FEZ1: variants seen among roughly 807,000 people sequenced by gnomAD.
FEZ1 encodes the protein fasciculation and elongation protein zeta-1.
A neutral mutation model predicts 49.3 loss-of-function variants in FEZ1; 20 were observed. The observed-to-expected ratio is 0.41, with a 90% CI of 0.29 to 0.59. The LOEUF (loss-of-function observed/expected upper bound fraction) is 0.59, where lower values mean the gene tolerates loss of function less well. Among genes scored for constraint, FEZ1 ranks in the 20% least tolerant of loss-of-function variants. The probability of loss-of-function intolerance (pLI) is 0.36; values close to 1 mark genes in which losing one functional copy is unlikely to be tolerated. For synonymous variants in FEZ1, 170 were observed against 180.9 expected (o/e 0.94, Z 0.48); for missense variants, 413 against 476.0 (o/e 0.87, Z 1.23).
chr11:125,463,439 A>C, intron 4 of FEZ1, 45 bp downstream of exon 4: 1 of 1,175,374 alleles, frequency 8.5e-7, no homozygotes, highest in Admixed American at 1.7e-5. Context: ...CTTTTTCTCC[A>C]TCAAAAGAAC....
intron 3 of FEZ1, among the ~76,000 whole-genome samples, chr11:125,479,380 A>G (rs1591597519): frequency 6.6e-6 from 1 of 151,956 alleles, no homozygotes; most frequent in Admixed American, 6.6e-5. Flanking sequence ...GACCCATCCA[A>G]CTCTATCACT....
At chr11:125,463,424 T>C in intron 4 of FEZ1, 60 bp downstream of exon 4, 1 of 980,604 alleles carries the variant, frequency 1.0e-6, no homozygotes, top group South Asian at 1.3e-5. Flanking sequence ...GTGTGTTCTC[T>C]TGGACTTTTT....
intron 2 of FEZ1, chr11:125,488,986 C>T (rs1957354742): frequency 2.0e-6 from 2 of 985,586 alleles, no homozygotes; most frequent in South Asian, 9.4e-5. Context: ...TAGATGCTTT[C>T]TTATGTGGAC....
At chr11:125,460,790 T>C (rs764071897) in intron 4 of FEZ1, 124 bp from the exon 5 acceptor site, 102 of 741,528 alleles carry the variant, frequency 1.4e-4, no homozygotes, top group Non-Finnish European at 1.9e-4. Flanking sequence ...CAATATTGTT[T>C]TTACATAAAT....
intron 5 of FEZ1, among the ~76,000 whole-genome samples, chr11:125,456,723 A>G (rs1454614991): frequency 6.6e-6 from 1 of 152,216 alleles, no homozygotes; most frequent in Non-Finnish European, 1.5e-5. Flanking sequence ...AAGGAAAGAA[A>G]AGGGAAGCTG....
At chr11:125,465,590 T>C (rs559418839) in intron 3 of FEZ1, among the ~76,000 whole-genome samples, 2 of 152,344 alleles carry the variant, frequency 1.3e-5, no homozygotes, top group African/African-American at 2.4e-5. Flanking sequence ...CCTACTCTTA[T>C]GGGAACCATA....
Position 125,456,186 on chromosome 11 carries a change from A to G in FEZ1, c.668-80T>C, listed in dbSNP as rs576441444. 16 of 1,341,936 alleles carry G rather than the reference A, an allele frequency of 1.2e-5. No homozygotes were observed. In the African/African-American group the frequency reaches 2.3e-4, roughly 20 times the overall value. 83.1% of individuals were successfully genotyped at this position (1,341,936 alleles called of 1,614,324 possible). On this transcript the variant is annotated intron_variant, in intron 5 of 9. Transcript: ENST00000278919. Reference sequence around the variant, plus strand: ...GGGGAGGCTCCTGGGGCCACCACCAATCAAGATGGGACTGCCCCTCAGAGG... The same window carrying G: ...GGGGAGGCTCCTGGGGCCACCACCAGTCAAGATGGGACTGCCCCTCAGAGG...
intron 9 of FEZ1, 85 bp from the exon 10 acceptor site, chr11:125,446,196 G>T: frequency 1.5e-6 from 2 of 1,298,190 alleles, no homozygotes; most frequent in Admixed American, 1.7e-5. Flanking sequence ...CTAGCTGAGA[G>T]CAGTCACACC....
intron 3 of FEZ1, among the ~76,000 whole-genome samples, chr11:125,465,067 A>G (rs1001755332): frequency 1.3e-5 from 2 of 152,216 alleles, no homozygotes; most frequent in Admixed American, 1.3e-4. Flanking sequence ...TCCAGACAAA[A>G]ATTAGGGGAG....
At chr11:125,491,389 TC>T (rs1202564583) in intron 1 of FEZ1, among the ~76,000 whole-genome samples, 1 of 152,182 alleles carries the variant, frequency 6.6e-6, no homozygotes, top group Non-Finnish European at 1.5e-5. Flanking sequence ...CTTCCCTGGC[TC>T]CAAATATACA....
chr11:125,493,307 C>G (rs1315317816), intron 1 of FEZ1, among the ~76,000 whole-genome samples: 1 of 147,602 alleles, frequency 6.8e-6, no homozygotes, highest in Non-Finnish European at 1.5e-5. Context: ...GCACTCCAGC[C>G]TGGGCAACAA....
intron 3 of FEZ1, among the ~76,000 whole-genome samples, chr11:125,478,235 G>A (rs1957248913): frequency 6.6e-6 from 1 of 152,142 alleles, no homozygotes; most frequent in African/African-American, 2.4e-5. Context: ...CTGAGGTTGG[G>A]AGTTCAAGAC....
chr11:125,492,281 G>A (rs756171177), intron 1 of FEZ1, among the ~76,000 whole-genome samples: 39 of 152,204 alleles, frequency 2.6e-4, no homozygotes, highest in Non-Finnish European at 5.4e-4. Context: ...ACAAGTAATT[G>A]CCAGTCAGGG....
At position 125,483,000 on chromosome 11, in the gene FEZ1, A is replaced by C. The variant is rs530866472; in HGVS notation, c.312-1367T>G. Among the ~76,000 whole-genome samples the C allele has an allele frequency of 1.0e-4, 15 of 149,580 alleles. 1 individual carries two copies. The highest frequency in any genetic ancestry group is 6.5e-4 in the South Asian group (3 of 4,638). Reference sequence around the variant, plus strand: ...AAAAAAAAAAAAAAAAAAAAAAAAAAAAAACTAAAATATTAGATAATGATA... The same window carrying C: ...AAAAAAAAAAAAAAAAAAAAAAAAACAAAACTAAAATATTAGATAATGATA... On this transcript the variant is annotated intron_variant, in intron 2 of 9. Transcript: ENST00000278919.
chr11:125,446,673 G>A lies in FEZ1; in HGVS notation c.1163-562C>T, dbSNP rs1173749221. On this transcript the variant is annotated intron_variant, in intron 9 of 9. Transcript: ENST00000278919. ...GTTGTTGTTGTTGTTGTTTTGTTTTGTGGTTTGTTTGTTTGTTTTTTTGAG... is the reference window on the plus strand; with the variant it reads ...GTTGTTGTTGTTGTTGTTTTGTTTTATGGTTTGTTTGTTTGTTTTTTTGAG... Among the ~76,000 whole-genome samples, 12 of 151,826 alleles carry A rather than the reference G, an allele frequency of 7.9e-5. No individual in the cohort carries two copies. In the East Asian group the frequency reaches 1.9e-3, roughly 25 times the overall value.
intron 1 of FEZ1, among the ~76,000 whole-genome samples, chr11:125,494,914 CCTT>C (rs1256305304): frequency 6.6e-6 from 1 of 152,166 alleles, no homozygotes; most frequent in African/African-American, 2.4e-5. Flanking sequence ...CATTCCATCT[CCTT>C]CTTCCCATCA....
rs1419266652 is a variant in FEZ1 at position 125,463,562 on chromosome 11, C to A, written c.420G>T (p.Glu140Asp). The change falls in exon 4 of 10, where the codon GAG (glutamate) becomes GAT (aspartate). Residue 140 changes from glutamate to aspartate, a missense_variant. Glu to Asp is a conservative substitution (Grantham distance 45, BLOSUM62 2). Transcript: ENST00000278919. ...TCTCATTGAACTCTTCCTCTTCTTT[C>A]TCATGGATCTGGAGAGGAGGTGGGG... is the stretch of plus-strand genomic sequence containing the variant. Reference protein sequence around the residue: ...NGNCSDTEIHEKEEEEFNEKS... With the variant: ...NGNCSDTEIHDKEEEEFNEKS... 1 of 1,604,310 alleles carries A rather than the reference C, an allele frequency of 6.2e-7. No individual in the cohort carries two copies.
chr11:125,479,023 A>G (rs2135774463), intron 3 of FEZ1, among the ~76,000 whole-genome samples: 1 of 152,288 alleles, frequency 6.6e-6, no homozygotes, highest in South Asian at 2.1e-4. Flanking sequence ...ACTAAGCATC[A>G]TACCTGTAAG....
At chr11:125,485,374 GACACGTGT>G (rs1179278725) in intron 2 of FEZ1, among the ~76,000 whole-genome samples, 1 of 152,078 alleles carries the variant, frequency 6.6e-6, no homozygotes, top group Non-Finnish European at 1.5e-5. Context: ...GGGGTGCCAG[GACACGTGT>G]ACAAAGAACT....
Sources: allele counts gnomAD v4.1 joint callset (sites outside exome capture counted in the v4.1 genomes callset), GRCh38; gene constraint gnomAD v4.1.1; transcripts MANE v1.5; gene names NCBI Gene and HGNC (gene_info 2026-07-23, HGNC 2026-07-21).